PTPRG: variants seen among roughly 807,000 people sequenced by gnomAD.
PTPRG encodes the protein receptor-type tyrosine-protein phosphatase gamma.
PTPRG carries 102 observed loss-of-function variants against 165.3 expected under a neutral mutation model. The observed-to-expected ratio is 0.62, with a 90% CI of 0.53 to 0.73. The LOEUF (loss-of-function observed/expected upper bound fraction) is 0.73. PTPRG is among the 30% of genes least tolerant of loss of function. The pLI is 0.00. For synonymous variants in PTPRG, 675 were observed against 669.5 expected, an observed-to-expected ratio of 1.01 and a Z score of -0.13; for missense variants, 1,866 against 1,861.4, an observed-to-expected ratio of 1.00 and a Z score of -0.05.
intron 4 of PTPRG, among the ~76,000 whole-genome samples, chr3:62,008,557 T>C (rs2041347630): frequency 6.6e-6 from 1 of 152,214 alleles, no homozygotes; most frequent in Admixed American, 6.5e-5. Context: ...CAATCCCTTA[T>C]CTGAAACTCT....
At position 62,069,670 on chromosome 3, in the gene PTPRG, T is replaced by TCACACA. The variant is rs1451557560; in HGVS notation, c.520-8492_520-8491insACACAC. ...CTCTCTCTCTCTCTCTCTCTCTCTC[T>TCACACA]CTCTCTCTCTCTCTCACACACAGAC... On this transcript the variant is annotated intron_variant, in intron 4 of 29. Coordinates refer to ENST00000474889, the MANE Select transcript of PTPRG (RefSeq NM_002841.4). Among the ~76,000 whole-genome samples the TCACACA allele has an allele frequency of 1.9e-4, 10 of 51,702 alleles. 1 individual carries two copies. The highest frequency in any genetic ancestry group is 5.2e-4 in the African/African-American group (8 of 15,500). 33.9% of individuals were successfully genotyped at this position (51,702 alleles called of 152,430 possible). A position where few individuals can be genotyped will look rare whatever the true frequency, so the allele number is the denominator to read the frequency against.
chr3:61,764,686 C>A lies in PTPRG; in HGVS notation c.190+15704C>A, dbSNP rs139120427. On this transcript the variant is annotated intron_variant, in intron 2 of 29. Coordinates refer to ENST00000474889, the MANE Select transcript of PTPRG (RefSeq NM_002841.4). ...TAGAGGGAAGCGGGGGAGATAATAG[C>A]ACTTGGAAAGGTTCAATGTTATACC... 5.9e-5 allele frequency among the ~76,000 whole-genome samples: 9 copies of A among 152,200 alleles called. No individual in the cohort carries two copies. The East Asian group carries it at 1.7e-3, about 29-fold the overall frequency.
chr3:62,034,843 CTGCTGGAGG>C (rs1178523185), intron 4 of PTPRG, among the ~76,000 whole-genome samples: 2 of 152,212 alleles, frequency 1.3e-5, no homozygotes, highest in Non-Finnish European at 2.9e-5. Context: ...CCGCAGCCAG[CTGCTGGAGG>C]TGCTGGTTCA....
At chr3:62,027,684 C>T (rs1177499073) in intron 4 of PTPRG, among the ~76,000 whole-genome samples, 4 of 152,178 alleles carry the variant, frequency 2.6e-5, no homozygotes, top group Non-Finnish European at 4.4e-5. Context: ...TTAACCTAGT[C>T]AGAAGCCTAG....
At chr3:62,117,391 G>A (rs944347272) in intron 5 of PTPRG, among the ~76,000 whole-genome samples, 7 of 152,122 alleles carry the variant, frequency 4.6e-5, no homozygotes, top group Admixed American at 6.6e-5. Flanking sequence ...TAACTGTCAC[G>A]TTTCTCAGAG....
At chr3:61,984,389 C>T (rs1161892914) in intron 2 of PTPRG, among the ~76,000 whole-genome samples, 1 of 152,106 alleles carries the variant, frequency 6.6e-6, no homozygotes, top group Non-Finnish European at 1.5e-5. Context: ...TTGTTTCCTT[C>T]GTCTTTTGTG....
intron 2 of PTPRG, among the ~76,000 whole-genome samples, chr3:61,806,002 C>T (rs1413032395): frequency 6.6e-6 from 1 of 152,072 alleles, no homozygotes; most frequent in South Asian, 2.1e-4. Context: ...CAGCACAAAC[C>T]TCTGTCAGAT....
At chr3:62,039,195 A>G (rs1700047031) in intron 4 of PTPRG, among the ~76,000 whole-genome samples, 1 of 151,510 alleles carries the variant, frequency 6.6e-6, no homozygotes, top group South Asian at 2.1e-4. Flanking sequence ...TTGGCCTCCC[A>G]AAGTGCTAGG....
intron 1 of PTPRG, among the ~76,000 whole-genome samples, chr3:61,587,864 G>T (rs1700472148): frequency 6.6e-6 from 1 of 151,548 alleles, no homozygotes; most frequent in Admixed American, 6.6e-5. Flanking sequence ...TTACTGTGTT[G>T]CCCAGGCTGG....
chr3:61,663,338 G>A (rs1422510266), intron 1 of PTPRG, among the ~76,000 whole-genome samples: 1 of 152,120 alleles, frequency 6.6e-6, no homozygotes, highest in Non-Finnish European at 1.5e-5. Flanking sequence ...TTCTCAGTAG[G>A]TATTTGTTGA....
rs189060924 is a variant in PTPRG at position 61,862,027 on chromosome 3, G to A, written c.190+113045G>A. On this transcript the variant is annotated intron_variant, in intron 2 of 29. Coordinates refer to ENST00000474889, the MANE Select transcript of PTPRG (RefSeq NM_002841.4). ...ACAGGGGTCTCCAACTCCACGGATT[G>A]GTACCGGTCCCTGGCCTGTTAGGAA... Among the ~76,000 whole-genome samples the A allele has an allele frequency of 2.8e-3, 419 of 152,266 alleles. 1 individual carries two copies. Among genetic ancestry groups the A allele is most frequent in the African/African-American group, 9.8e-3 (407 of 41,544 alleles).
chr3:61,927,579 T>C (rs942207338), intron 2 of PTPRG, among the ~76,000 whole-genome samples: 2 of 152,202 alleles, frequency 1.3e-5, no homozygotes, highest in African/African-American at 4.8e-5. Flanking sequence ...GGCTGAGTTT[T>C]GAGAAGTGCA....
At chr3:61,658,300 C>G (rs1444903522) in intron 1 of PTPRG, among the ~76,000 whole-genome samples, 2 of 152,176 alleles carry the variant, frequency 1.3e-5, no homozygotes, top group East Asian at 3.9e-4. Flanking sequence ...TTCAGATGTC[C>G]CTGATGAGAC....
intron 2 of PTPRG, among the ~76,000 whole-genome samples, chr3:61,855,794 C>G (rs2037090019): frequency 6.6e-6 from 1 of 151,634 alleles, no homozygotes; most frequent in South Asian, 2.1e-4. Flanking sequence ...AGGTGTAAGC[C>G]TGAGGTAGTT....
chr3:62,175,146 G>A (rs938118370), intron 8 of PTPRG, among the ~76,000 whole-genome samples: 3 of 152,222 alleles, frequency 2.0e-5, no homozygotes, highest in Admixed American at 2.0e-4. Context: ...TTGGTGTTAA[G>A]TTGCATTTGA....
At chr3:61,688,974 A>C (rs1298941457) in intron 1 of PTPRG, among the ~76,000 whole-genome samples, 1 of 152,214 alleles carries the variant, frequency 6.6e-6, no homozygotes, top group African/African-American at 2.4e-5. Context: ...GAGAGGGCAG[A>C]GGCTGAGGAA....
In PTPRG at chr3:61,962,676, G is replaced by T. The variant is rs370352891; in HGVS notation, c.191-26949G>T. 2.0e-3 allele frequency among the ~76,000 whole-genome samples: 298 copies of T among 151,936 alleles called. 1 individual carries two copies. Among genetic ancestry groups the T allele is most frequent in the African/African-American group, 6.9e-3 (286 of 41,290 alleles). On this transcript the variant is annotated intron_variant, in intron 2 of 29. Transcript: ENST00000474889. ...ATATATTTTGTCATGTATGAATTAT[G>T]TATGCATTATTTATAATACCTCACA...
At chr3:61,783,863 G>T (rs2034615074) in intron 2 of PTPRG, among the ~76,000 whole-genome samples, 1 of 152,186 alleles carries the variant, frequency 6.6e-6, no homozygotes, top group South Asian at 2.1e-4. Flanking sequence ...GGACTCTAAA[G>T]TGGAGACATG....
intron 8 of PTPRG, among the ~76,000 whole-genome samples, chr3:62,177,229 T>C (rs560653636): frequency 6.6e-6 from 1 of 152,154 alleles, no homozygotes; most frequent in African/African-American, 2.4e-5. Context: ...GAGGCTGTAG[T>C]GAGCCATGGT....
Sources: allele counts gnomAD v4.1 joint callset (sites outside exome capture counted in the v4.1 genomes callset), GRCh38; gene constraint gnomAD v4.1.1; transcripts MANE v1.5; gene names NCBI Gene and HGNC (gene_info 2026-07-23, HGNC 2026-07-21).